Variants in FAM78B observed in about 807,000 individuals in gnomAD.
The protein encoded by FAM78B is protein FAM78B.
In FAM78B, 10 loss-of-function variants were observed where a neutral mutation model predicts 20.0. The observed-to-expected ratio is 0.50, with a 90% CI of 0.31 to 0.85. The LOEUF (loss-of-function observed/expected upper bound fraction) is 0.85, where lower values mean the gene tolerates loss of function less well. Ranked by LOEUF, FAM78B falls within the 40% of genes least tolerant of loss-of-function variation. The pLI is 0.05. For missense variants in FAM78B, 283 were observed against 345.0 expected, an observed-to-expected ratio of 0.82 and a Z score of 1.42; for synonymous variants, 135 against 132.8, an observed-to-expected ratio of 1.02 and a Z score of -0.12.
intron 1 of FAM78B, among the ~76,000 whole-genome samples, chr1:166,077,715 TTACA>T (rs1238456054): frequency 2.2e-5 from 3 of 137,862 alleles, no homozygotes; most frequent in Non-Finnish European, 3.1e-5. Flanking sequence ...ATACATATAA[TTACA>T]TATATTTATA....
intron 1 of FAM78B, chr1:166,154,855 G>A (rs1655834855): frequency 2.1e-6 from 1 of 472,264 alleles, no homozygotes; most frequent in African/African-American, 2.0e-5. Flanking sequence ...AAGCAAATGA[G>A]CTAGATGATT....
At chr1:166,089,905 G>T (rs1652995875) in intron 1 of FAM78B, among the ~76,000 whole-genome samples, 1 of 152,172 alleles carries the variant, frequency 6.6e-6, no homozygotes, top group Non-Finnish European at 1.5e-5. Flanking sequence ...ACAGAGCCCT[G>T]TGGCTGGCAG....
At chr1:166,158,530 C>T (rs144327159) in intron 1 of FAM78B, among the ~76,000 whole-genome samples, 5 of 152,212 alleles carry the variant, frequency 3.3e-5, no homozygotes, top group East Asian at 3.9e-4. Flanking sequence ...TGCACAGTGC[C>T]GGGCACATAG....
At chr1:166,156,345 T>C (rs574809259) in intron 1 of FAM78B, among the ~76,000 whole-genome samples, 1 of 152,362 alleles carries the variant, frequency 6.6e-6, no homozygotes, top group African/African-American at 2.4e-5. Flanking sequence ...CTTAAAAGTG[T>C]CCACATGCTG....
intron 1 of FAM78B, among the ~76,000 whole-genome samples, chr1:166,086,847 A>G (rs1383025433): frequency 1.3e-5 from 2 of 152,132 alleles, no homozygotes; most frequent in African/African-American, 4.8e-5. Context: ...ACGTGTGGAC[A>G]GAGGAATTCA....
chr1:166,102,673 A>G lies in FAM78B; in HGVS notation c.264-31910T>C, dbSNP rs576602346. On this transcript the variant is annotated intron_variant, in intron 1 of 1. Transcript: ENST00000354422. ...GAAGAGCTAACTATCCTAAATATATATGCGCCCAATACAGGAGCACCCAGA... is the reference window on the plus strand; with the variant it reads ...GAAGAGCTAACTATCCTAAATATATGTGCGCCCAATACAGGAGCACCCAGA... Among the ~76,000 whole-genome samples, 1,019 of 152,366 alleles carry G rather than the reference A, an allele frequency of 6.7e-3. 13 individuals carry two copies. The highest frequency in any genetic ancestry group is 0.024 in the African/African-American group (989 of 41,582).
At chr1:166,061,734 A>C (rs1437966455) in intron 2 of FAM78B, among the ~76,000 whole-genome samples, 1 of 152,102 alleles carries the variant, frequency 6.6e-6, no homozygotes, top group African/African-American at 2.4e-5. Context: ...TGCAATAATG[A>C]GATTGGTTAG....
intron 1 of FAM78B, among the ~76,000 whole-genome samples, chr1:166,091,110 G>A (rs1021219540): frequency 1.3e-5 from 2 of 152,148 alleles, no homozygotes; most frequent in Non-Finnish European, 2.9e-5. Context: ...ATGAACAATG[G>A]CCTCAAGGTG....
At chr1:166,080,883 T>G (rs1652541780) in intron 1 of FAM78B, among the ~76,000 whole-genome samples, 1 of 152,212 alleles carries the variant, frequency 6.6e-6, no homozygotes, top group South Asian at 2.1e-4. Context: ...GACACAAGGC[T>G]GGGGTCAGAG....
At chr1:166,063,687 G>A (rs1026442120) in intron 2 of FAM78B, among the ~76,000 whole-genome samples, 1 of 152,128 alleles carries the variant, frequency 6.6e-6, no homozygotes, top group African/African-American at 2.4e-5. Context: ...CTGGCCCTAG[G>A]CTCAGCGATC....
chr1:166,160,285 C>T (rs1260281642), intron 1 of FAM78B, among the ~76,000 whole-genome samples: 1 of 152,236 alleles, frequency 6.6e-6, no homozygotes, highest in Non-Finnish European at 1.5e-5. Context: ...CATAACTGTA[C>T]TAGCCAAGGC....
chr1:166,142,046 C>T (rs1655298940), intron 1 of FAM78B, among the ~76,000 whole-genome samples: 1 of 152,180 alleles, frequency 6.6e-6, no homozygotes. Context: ...CTGAGCACAG[C>T]TCCTCAATGA....
At chr1:166,102,821 T>C (rs1331693272) in intron 1 of FAM78B, among the ~76,000 whole-genome samples, 2 of 152,056 alleles carry the variant, frequency 1.3e-5, no homozygotes, top group African/African-American at 2.4e-5. Context: ...TTAACAAGGA[T>C]ATCCAGGAAT....
chr1:166,071,775 C>T (rs2101710803), intron 1 of FAM78B, among the ~76,000 whole-genome samples: 1 of 152,312 alleles, frequency 6.6e-6, no homozygotes, highest in East Asian at 1.9e-4. Flanking sequence ...TGAGAGTTGT[C>T]TGACTTCAAA....
At chr1:166,078,289 A>T (rs908218662) in intron 1 of FAM78B, among the ~76,000 whole-genome samples, 1 of 152,004 alleles carries the variant, frequency 6.6e-6, no homozygotes, top group Non-Finnish European at 1.5e-5. Flanking sequence ...TCGACCTCCC[A>T]AAGTGCTGGG....
chr1:166,125,989 G>A (rs1412538498), intron 1 of FAM78B, among the ~76,000 whole-genome samples: 2 of 151,960 alleles, frequency 1.3e-5, no homozygotes, highest in Non-Finnish European at 2.9e-5. Flanking sequence ...GTACTACCAT[G>A]CCCAGCTAAT....
At chr1:166,101,194 A>C (rs1653499866) in intron 1 of FAM78B, among the ~76,000 whole-genome samples, 1 of 152,332 alleles carries the variant, frequency 6.6e-6, no homozygotes, top group Non-Finnish European at 1.5e-5. Context: ...CCATCTGTAC[A>C]TCACCATCAT....
At chr1:166,118,723 T>C (rs1394466141) in intron 1 of FAM78B, among the ~76,000 whole-genome samples, 1 of 152,162 alleles carries the variant, frequency 6.6e-6, no homozygotes, top group Non-Finnish European at 1.5e-5. Context: ...AACCCTTTGA[T>C]GCAATCTAAC....
chr1:166,092,349 C>T (rs1653109767), intron 1 of FAM78B, among the ~76,000 whole-genome samples: 1 of 152,178 alleles, frequency 6.6e-6, no homozygotes, highest in Non-Finnish European at 1.5e-5. Flanking sequence ...GCAGCCTGCA[C>T]CCCCAACCCT....
Sources: gnomAD v4.1 joint callset for allele counts (sites outside exome capture counted in the v4.1 genomes callset) on GRCh38, gnomAD v4.1.1 for gene constraint, MANE v1.5 for transcripts, NCBI Gene and HGNC (gene_info 2026-07-23, HGNC 2026-07-21) for gene names.